TRDN: variants seen among roughly 807,000 people sequenced by gnomAD.
The protein encoded by TRDN is triadin in skeletal muscle.
In TRDN, 161 loss-of-function variants were observed where a neutral mutation model predicts 149.7. That is an observed-to-expected ratio of 1.08 (90% CI 0.95 to 1.23). The LOEUF is 1.23. TRDN is among the 50% of genes most tolerant of loss of function. TRDN has a pLI of 0.00. For missense variants in TRDN, 896 were observed against 823.5 expected, an observed-to-expected ratio of 1.09 and a Z score of -1.08; for synonymous variants, 294 against 250.5, an observed-to-expected ratio of 1.17 and a Z score of -1.64.
chr6:123,448,720 T>C (rs1454424383), intron 10 of TRDN, among the ~76,000 whole-genome samples: 2 of 152,060 alleles, frequency 1.3e-5, no homozygotes, highest in Non-Finnish European at 2.9e-5. Context: ...GCTGATGCTC[T>C]CTGGAAAGCA....
chr6:123,271,585 A>G (rs1332183835), intron 29 of TRDN, among the ~76,000 whole-genome samples: 1 of 152,030 alleles, frequency 6.6e-6, no homozygotes, highest in Non-Finnish European at 1.5e-5. Context: ...CTCCCTGGGA[A>G]CCCAGGAATA....
intron 24 of TRDN, among the ~76,000 whole-genome samples, chr6:123,280,056 G>A (rs1005527108): frequency 8.5e-5 from 13 of 152,212 alleles, no homozygotes; most frequent in East Asian, 1.9e-4. Context: ...GATTGCTTCC[G>A]CTTAGTGCTT....
intron 5 of TRDN, chr6:123,529,351 G>A: frequency 6.5e-7 from 1 of 1,548,098 alleles, no homozygotes; most frequent in Non-Finnish European, 8.7e-7. Context: ...GGAGACATTA[G>A]TTTCCTAAGT....
At chr6:123,495,145 C>G (rs991934654) in intron 9 of TRDN, among the ~76,000 whole-genome samples, 2 of 152,104 alleles carry the variant, frequency 1.3e-5, no homozygotes, top group Non-Finnish European at 2.9e-5. Flanking sequence ...CCCCAACCTC[C>G]TGGGCCCAAG....
intron 1 of TRDN, among the ~76,000 whole-genome samples, chr6:123,623,393 C>G (rs1302482637): frequency 6.6e-6 from 1 of 152,016 alleles, no homozygotes; most frequent in Admixed American, 6.6e-5. Context: ...CTATACTCAT[C>G]TTTATGTTCT....
intron 24 of TRDN, among the ~76,000 whole-genome samples, chr6:123,308,281 T>C (rs1778688681): frequency 6.6e-6 from 1 of 151,876 alleles, no homozygotes; most frequent in African/African-American, 2.4e-5. Context: ...CCTAGCTTGA[T>C]TCCATGTCTT....
chr6:123,496,096 AAT>A (rs1029928225), intron 9 of TRDN, among the ~76,000 whole-genome samples: 155 of 146,934 alleles, frequency 1.1e-3, no homozygotes, highest in African/African-American at 3.6e-3. Context: ...ATTAATATAT[AAT>A]ATATATAATT....
intron 4 of TRDN, among the ~76,000 whole-genome samples, chr6:123,535,754 T>C (rs1253961705): frequency 2.0e-5 from 3 of 152,186 alleles, no homozygotes; most frequent in Non-Finnish European, 4.4e-5. Context: ...CATTTTTAGA[T>C]TATTCTTTAT....
chr6:123,366,085 A>G (rs1359952815), intron 20 of TRDN, 50 bp downstream of exon 20: 1 of 1,501,432 alleles, frequency 6.7e-7, no homozygotes, highest in Non-Finnish European at 9.2e-7. Flanking sequence ...TAGAAACCTT[A>G]GCAGAAATAA....
intron 8 of TRDN, among the ~76,000 whole-genome samples, chr6:123,499,719 A>AAAAAAAAAAAAAATATATATATATAT: frequency 8.4e-5 from 4 of 47,660 alleles, no homozygotes; most frequent in Non-Finnish European, 1.8e-4. Context: ...AAAAAAAAAA[A>AAAAAAAAAAAAAATATATATATATAT]ATATATATAT....
chr6:123,397,175 T>C (rs1004274406), intron 12 of TRDN, among the ~76,000 whole-genome samples: 1 of 152,168 alleles, frequency 6.6e-6, no homozygotes, highest in Non-Finnish European at 1.5e-5. Context: ...CTCTTACTTA[T>C]AGTAACAACA....
intron 7 of TRDN, among the ~76,000 whole-genome samples, chr6:123,505,168 A>C (rs1262018930): frequency 1.4e-5 from 2 of 146,000 alleles, no homozygotes; most frequent in East Asian, 4.4e-4. Context: ...CATTTGAACC[A>C]GGGAAGCGGA....
rs930833584 is a variant in TRDN, at chr6:123,236,930, T to C, written c.1976-12799A>G. 8.5e-5 allele frequency among the ~76,000 whole-genome samples: 13 copies of C among 152,066 alleles called. 1 individual carries two copies. Among genetic ancestry groups the C allele is most frequent in the African/African-American group, 3.1e-4 (13 of 41,328 alleles). ...TAGCTATTGTAAAAGAGATTTTATATATTAAGAAATTCTGTCTGAGATTTT... is the reference window on the plus strand; with the variant it reads ...TAGCTATTGTAAAAGAGATTTTATACATTAAGAAATTCTGTCTGAGATTTT... On this transcript the variant is annotated intron_variant, in intron 38 of 40. Transcript: ENST00000334268.
At chr6:123,296,313 A>G (rs1007962898) in intron 24 of TRDN, among the ~76,000 whole-genome samples, 2 of 152,176 alleles carry the variant, frequency 1.3e-5, no homozygotes, top group African/African-American at 4.8e-5. Flanking sequence ...TTAGCCAGAA[A>G]GAACCATCCG....
chr6:123,563,798 G>GTTTGTT (rs201738708), intron 2 of TRDN, among the ~76,000 whole-genome samples: 5 of 151,968 alleles, frequency 3.3e-5, no homozygotes, highest in East Asian at 1.9e-4. Flanking sequence ...TTACTTTTTT[G>GTTTGTT]TTTGTTTTTG....
chr6:123,549,351 T>C (rs991395922), intron 2 of TRDN, among the ~76,000 whole-genome samples: 1 of 152,188 alleles, frequency 6.6e-6, no homozygotes, highest in African/African-American at 2.4e-5. Context: ...TCCAATCATA[T>C]GAAAACTGCT....
chr6:123,289,068 T>A (rs1435206121), intron 24 of TRDN, among the ~76,000 whole-genome samples: 2 of 147,266 alleles, frequency 1.4e-5, no homozygotes, highest in Non-Finnish European at 3.0e-5. Context: ...ATATATAGTA[T>A]GTATGTATAG....
At chr6:123,315,127 G>A (rs1193687642) in intron 24 of TRDN, among the ~76,000 whole-genome samples, 1 of 151,914 alleles carries the variant, frequency 6.6e-6, no homozygotes, top group Non-Finnish European at 1.5e-5. Context: ...AAAATACAAT[G>A]TTATGCAAAG....
chr6:123,344,275 T>A (rs1780172765), intron 21 of TRDN, among the ~76,000 whole-genome samples: 1 of 152,096 alleles, frequency 6.6e-6, no homozygotes, highest in Non-Finnish European at 1.5e-5. Context: ...TATTGATACA[T>A]CTTTATCAAC....
Sources: allele counts gnomAD v4.1 joint callset (sites outside exome capture counted in the v4.1 genomes callset), GRCh38; gene constraint gnomAD v4.1.1; transcripts MANE v1.5; gene names NCBI Gene and HGNC (gene_info 2026-07-23, HGNC 2026-07-21).